NTRK2: variants seen among roughly 807,000 people sequenced by gnomAD.
NTRK2 encodes neurotrophic receptor tyrosine kinase 2.
A neutral mutation model predicts 94.5 loss-of-function variants in NTRK2; 13 were observed. The ratio of observed to expected loss-of-function variants is 0.14; its 90% CI spans 0.09 to 0.22. NTRK2 has a LOEUF of 0.22. NTRK2 is among the 10% of genes least tolerant of loss of function. The pLI, the probability that NTRK2 is intolerant of heterozygous loss-of-function variation, is 1.00. For missense variants in NTRK2, 639 were observed against 1,071.2 expected (o/e 0.60, Z 5.63); for synonymous variants, 372 against 407.4 (o/e 0.91, Z 1.05).
chr9:84,992,403 G>T (rs1374837524), intron 17 of NTRK2, among the ~76,000 whole-genome samples: 1 of 152,012 alleles, frequency 6.6e-6, no homozygotes, highest in Non-Finnish European at 1.5e-5. Flanking sequence ...GTTCTCGGGG[G>T]CTACTCCACT....
At chr9:84,915,461 C>T (rs2077368343) in intron 14 of NTRK2, among the ~76,000 whole-genome samples, 2 of 152,148 alleles carry the variant, frequency 1.3e-5, no homozygotes, top group South Asian at 2.1e-4. Flanking sequence ...CCTCCACTCT[C>T]TCTCTTGCTG....
intron 2 of NTRK2, among the ~76,000 whole-genome samples, chr9:84,682,941 A>C (rs2059483949): frequency 6.6e-6 from 1 of 152,180 alleles, no homozygotes; most frequent in African/African-American, 2.4e-5. Context: ...TCCAGTGTAC[A>C]AGTTCTTGTG....
intron 14 of NTRK2, among the ~76,000 whole-genome samples, chr9:84,898,479 GTTTC>G (rs56810834): frequency 0.063 from 9,543 of 151,772 alleles, 337 homozygotes; most frequent in Admixed American, 0.097. Flanking sequence ...AGTGTTTTCA[GTTTC>G]TTTCTTTCTT....
At position 84,755,525 on chromosome 9, in the gene NTRK2, CTTTTTT is replaced by C. The variant is rs745611460; in HGVS notation, c.1396+3463_1396+3468del. On this transcript the variant is annotated intron_variant, in intron 12 of 18. Transcript: ENST00000277120. ...TTCTAAAAGAGACAAAGTCCCACCTCTTTTTTTTTTTTTTTTTTTTTTTTTTTTGGT... is the reference window on the plus strand; with the variant it reads ...TTCTAAAAGAGACAAAGTCCCACCTCTTTTTTTTTTTTTTTTTTTTTTGGT... Among the ~76,000 whole-genome samples the C allele has an allele frequency of 4.2e-3, 255 of 60,670 alleles. 1 individual carries two copies. The highest frequency in any genetic ancestry group is 0.017 in the African/African-American group (240 of 14,390). 39.8% of individuals were successfully genotyped at this position (60,670 alleles called of 152,430 possible).
At chr9:84,870,365 A>ATATATATATATATATAT (rs1427199030) in intron 14 of NTRK2, among the ~76,000 whole-genome samples, 12 of 129,986 alleles carry the variant, frequency 9.2e-5, no homozygotes, top group South Asian at 5.4e-4. Context: ...ATATATATAT[A>ATATATATATATATATAT]AAACTCTGTC....
At chr9:84,915,184 C>T (rs946925121) in intron 14 of NTRK2, among the ~76,000 whole-genome samples, 22 of 152,058 alleles carry the variant, frequency 1.4e-4, no homozygotes, top group African/African-American at 5.1e-4. Context: ...GCTGTGCGGC[C>T]CAGTTCCTAA....
intron 12 of NTRK2, among the ~76,000 whole-genome samples, chr9:84,804,157 C>T (rs2070827492): frequency 6.6e-6 from 1 of 152,144 alleles, no homozygotes; most frequent in Admixed American, 6.5e-5. Context: ...TCAGCTTAAA[C>T]TTGGACCTGG....
At chr9:84,746,995 C>T (rs1488797367) in intron 11 of NTRK2, among the ~76,000 whole-genome samples, 1 of 152,098 alleles carries the variant, frequency 6.6e-6, no homozygotes, top group African/African-American at 2.4e-5. Context: ...CTAGTAGGCA[C>T]CTAGTACATT....
intron 16 of NTRK2, among the ~76,000 whole-genome samples, chr9:84,954,788 G>T (rs1199111549): frequency 6.6e-6 from 1 of 152,192 alleles, no homozygotes; most frequent in Non-Finnish European, 1.5e-5. Context: ...AATCAGCTTG[G>T]TTGGGGGATA....
intron 12 of NTRK2, among the ~76,000 whole-genome samples, chr9:84,753,156 T>C (rs749791933): frequency 6.6e-6 from 1 of 152,070 alleles, no homozygotes. Context: ...TGGTGGTAAA[T>C]TGGGGCTTAA....
intron 15 of NTRK2, among the ~76,000 whole-genome samples, chr9:84,943,410 G>A (rs576925237): frequency 5.2e-4 from 79 of 152,212 alleles, no homozygotes; most frequent in African/African-American, 1.9e-3. Context: ...GCTAAAATTT[G>A]TTTCATGCTA....
chr9:84,775,188 G>T (rs1290252775), intron 12 of NTRK2, among the ~76,000 whole-genome samples: 2 of 152,186 alleles, frequency 1.3e-5, no homozygotes, highest in South Asian at 2.1e-4. Flanking sequence ...TGTGGGAGCT[G>T]AGAGGTGGCA....
rs1424883959 is a variant in NTRK2, at chr9:84,963,355, A to G, written c.2172+7838A>G. Among the ~76,000 whole-genome samples, 3 of 152,266 alleles carry G rather than the reference A, an allele frequency of 2.0e-5. No homozygotes were observed. In the East Asian group the frequency reaches 5.8e-4, roughly 29 times the overall value. ...AAAGGAAGCAAATGGCTTTGGGGTC[A>G]TCAAAGAAAATTATCTGTCACATTG... On this transcript the variant is annotated intron_variant, in intron 17 of 18. Coordinates refer to ENST00000277120, the MANE Select transcript of NTRK2 (RefSeq NM_006180.6).
chr9:84,835,140 T>G (rs957699537), intron 12 of NTRK2, among the ~76,000 whole-genome samples: 6 of 152,104 alleles, frequency 3.9e-5, no homozygotes, highest in African/African-American at 1.4e-4. Context: ...AATCCAGACG[T>G]TTTATCTGGG....
At chr9:84,712,383 A>G (rs987465047) in intron 6 of NTRK2, among the ~76,000 whole-genome samples, 30 of 152,140 alleles carry the variant, frequency 2.0e-4, no homozygotes, top group African/African-American at 5.8e-4. Context: ...GTCAATTTTC[A>G]GTCATTTTTT....
In NTRK2 at chr9:84,967,605, G is replaced by A. The variant is rs1378851277; in HGVS notation, c.2172+12088G>A. ...ACGACAGCACCAGCCTTCTCATAAGGGGGTGGAGAACATGACGCTGGGCTC... is the reference window on the plus strand; with the variant it reads ...ACGACAGCACCAGCCTTCTCATAAGAGGGTGGAGAACATGACGCTGGGCTC... On this transcript the variant is annotated intron_variant, in intron 17 of 18. Coordinates refer to ENST00000277120, the MANE Select transcript of NTRK2 (RefSeq NM_006180.6). Among the ~76,000 whole-genome samples, 5 of 152,244 alleles carry A rather than the reference G, an allele frequency of 3.3e-5. No homozygotes were observed. The East Asian group carries it at 5.8e-4, about 18-fold the overall frequency.
rs967545346 is a variant in NTRK2, at chr9:84,813,802, C to T, written c.1397-47238C>T. On this transcript the variant is annotated intron_variant, in intron 12 of 18. Coordinates refer to ENST00000277120, the MANE Select transcript of NTRK2 (RefSeq NM_006180.6). The stretch of plus-strand genomic sequence containing the variant: ...TGTCTCTTGGCCCAGTCAGGTGCTG[C>T]CAGGTTTAGATAGGAAAGTACATGT... 5 of 1,065,752 alleles carry T rather than the reference C, an allele frequency of 4.7e-6. No individual in the cohort carries two copies. The African/African-American group carries it at 8.2e-5, about 17-fold the overall frequency. The allele number at this position is 1,065,752 out of a possible 1,614,324, so 66.0% of individuals were successfully genotyped here.
intron 12 of NTRK2, among the ~76,000 whole-genome samples, 156 bp downstream of exon 12, chr9:84,752,241 C>T (rs143568408): frequency 2.0e-4 from 31 of 152,266 alleles, no homozygotes; most frequent in African/African-American, 5.5e-4. Context: ...CAAATCAAGA[C>T]GGAGCAAAAT....
intron 17 of NTRK2, among the ~76,000 whole-genome samples, chr9:84,959,102 G>A (rs1175977537): frequency 6.6e-6 from 1 of 151,996 alleles, no homozygotes; most frequent in African/African-American, 2.4e-5. Flanking sequence ...TATGATTCAG[G>A]TTTCTCATTT....
Sources: allele counts gnomAD v4.1 joint callset (sites outside exome capture counted in the v4.1 genomes callset), GRCh38; gene constraint gnomAD v4.1.1; transcripts MANE v1.5; gene names NCBI Gene and HGNC (gene_info 2026-07-23, HGNC 2026-07-21).